Variants in OSBPL8 observed in about 807,000 individuals in gnomAD.
OSBPL8 encodes oxysterol binding protein like 8.
OSBPL8 carries 59 observed loss-of-function variants against 125.5 expected under a neutral mutation model. The ratio of observed to expected loss-of-function variants is 0.47; its 90% CI spans 0.38 to 0.58. OSBPL8 has a LOEUF of 0.58. OSBPL8 is among the 20% of genes least tolerant of loss of function. OSBPL8 has a pLI of 0.00. For missense variants in OSBPL8, 758 were observed against 1,047.8 expected, an observed-to-expected ratio of 0.72 and a Z score of 3.82; for synonymous variants, 330 against 338.9, an observed-to-expected ratio of 0.97 and a Z score of 0.29.
At chr12:76,433,045 T>C (rs1592673432) in intron 4 of OSBPL8, among the ~76,000 whole-genome samples, 1 of 152,090 alleles carries the variant, frequency 6.6e-6, no homozygotes, top group East Asian at 1.9e-4. Context: ...TAACAAAAAC[T>C]CTCAACAAAA....
At chr12:76,538,450 AAAG>A (rs1950556134) in intron 1 of OSBPL8, among the ~76,000 whole-genome samples, 2 of 152,186 alleles carry the variant, frequency 1.3e-5, no homozygotes, top group African/African-American at 4.8e-5. Flanking sequence ...TTTTTTGTTG[AAAG>A]AAGATTTTAG....
Position 76,450,870 on chromosome 12 carries a change from T to C in OSBPL8, c.198A>G (p.Pro66=). The C allele has an allele frequency of 1.9e-6, 3 of 1,612,180 alleles. No homozygotes were observed. Among genetic ancestry groups the C allele is most frequent in the Non-Finnish European group, 2.5e-6 (3 of 1,179,088 alleles). Residue 66 remains proline (P), a synonymous_variant, in exon 4 of 24, where the codon CCA becomes CCG. Transcript: ENST00000261183. ...TKDLHQPSLS[P]ASPHSQGFER... is the part of the protein sequence containing the mutation. ...TCCTACCCTGGCTATGAGGACTTGC[T>C]GGACTAAGAGATGGCTGATGCAAAT... is the stretch of plus-strand genomic sequence containing the variant.
chr12:76,461,002 T>C (rs1874651664), intron 2 of OSBPL8, among the ~76,000 whole-genome samples: 1 of 152,200 alleles, frequency 6.6e-6, no homozygotes, highest in Non-Finnish European at 1.5e-5. Flanking sequence ...ATACTTGAAA[T>C]GATCTTCTAA....
intron 16 of OSBPL8, among the ~76,000 whole-genome samples, chr12:76,377,134 C>A (rs1182839021): frequency 6.6e-6 from 1 of 152,162 alleles, no homozygotes; most frequent in Non-Finnish European, 1.5e-5. Context: ...CATAGTGTTC[C>A]ATGGTGTGTA....
At chr12:76,432,366 G>A (rs1167592681) in intron 4 of OSBPL8, among the ~76,000 whole-genome samples, 1 of 152,072 alleles carries the variant, frequency 6.6e-6, no homozygotes, top group Non-Finnish European at 1.5e-5. Flanking sequence ...AATTGCTTGA[G>A]CTCAGGAGTT....
chr12:76,478,129 G>C (rs1269581778), intron 2 of OSBPL8, among the ~76,000 whole-genome samples: 1 of 151,956 alleles, frequency 6.6e-6, no homozygotes, highest in Non-Finnish European at 1.5e-5. Flanking sequence ...TTGAACCTGG[G>C]AGGCAGAGGC....
chr12:76,510,823 G>A (rs1592819908), intron 1 of OSBPL8, among the ~76,000 whole-genome samples: 1 of 151,736 alleles, frequency 6.6e-6, no homozygotes, highest in East Asian at 1.9e-4. Flanking sequence ...GGAGGTTGTG[G>A]TGAGCCGAGA....
chr12:76,511,123 T>C (rs867689349), intron 1 of OSBPL8, among the ~76,000 whole-genome samples: 4 of 152,060 alleles, frequency 2.6e-5, no homozygotes, highest in Middle Eastern at 6.8e-3. Flanking sequence ...GGTGGTAGAG[T>C]GAGAGTCAAA....
chr12:76,425,012 A>C (rs1191827724), intron 4 of OSBPL8, among the ~76,000 whole-genome samples: 1 of 152,194 alleles, frequency 6.6e-6, no homozygotes, highest in Non-Finnish European at 1.5e-5. Flanking sequence ...CCTTATTTAC[A>C]CCAAATAACC....
rs1446772242 is a variant in OSBPL8, at chr12:76,354,066, AT to A, written c.*1822del. The A allele has an allele frequency of 1.2e-4, 19 of 152,530 alleles. No homozygotes were observed. Among genetic ancestry groups the A allele is most frequent in the African/African-American group, 3.8e-4 (16 of 41,574 alleles). 9.4% of individuals were successfully genotyped at this position (152,530 alleles called of 1,614,324 possible). ...TGTATGTAATTAACTAATTTAAACC[AT>A]AAAAAAGATCAAATTGTACAATATT... On this transcript the variant is annotated 3_prime_UTR_variant, in exon 24 of 24. Coordinates refer to ENST00000261183, the MANE Select transcript of OSBPL8 (RefSeq NM_020841.5).
chr12:76,472,612 G>A (rs990573960), intron 2 of OSBPL8, among the ~76,000 whole-genome samples: 8 of 152,198 alleles, frequency 5.3e-5, no homozygotes, highest in Non-Finnish European at 7.3e-5. Context: ...GTAAGGTCAC[G>A]TGGGTCACGT....
At chr12:76,363,330 G>C (rs1471922116) in intron 21 of OSBPL8, among the ~76,000 whole-genome samples, 1 of 152,078 alleles carries the variant, frequency 6.6e-6, no homozygotes, top group Non-Finnish European at 1.5e-5. Flanking sequence ...CGATGGAACA[G>C]AACAGAGGCC....
chr12:76,445,305 C>A (rs887880299), intron 4 of OSBPL8, among the ~76,000 whole-genome samples: 2 of 152,094 alleles, frequency 1.3e-5, no homozygotes, highest in Admixed American at 1.3e-4. Flanking sequence ...AGAAAGTATC[C>A]TTTGCAACTT....
chr12:76,498,155 A>G (rs1270355300), intron 1 of OSBPL8, among the ~76,000 whole-genome samples: 1 of 152,208 alleles, frequency 6.6e-6, no homozygotes, highest in Non-Finnish European at 1.5e-5. Context: ...CTGTAACCCT[A>G]GCACTTTGGG....
chr12:76,386,816 G>A (rs1384488367), intron 12 of OSBPL8, among the ~76,000 whole-genome samples, 156 bp from the exon 13 acceptor site: 4 of 152,062 alleles, frequency 2.6e-5, no homozygotes, highest in Non-Finnish European at 5.9e-5. Context: ...TTTCAACCAT[G>A]TAAATCAATT....
At chr12:76,543,732 A>G (rs1429175848) in intron 1 of OSBPL8, among the ~76,000 whole-genome samples, 1 of 152,332 alleles carries the variant, frequency 6.6e-6, no homozygotes, top group Non-Finnish European at 1.5e-5. Flanking sequence ...CACAAACTAC[A>G]TAACTATTAA....
intron 5 of OSBPL8, among the ~76,000 whole-genome samples, chr12:76,406,476 T>C (rs1430106333): frequency 6.6e-6 from 1 of 152,232 alleles, no homozygotes; most frequent in Non-Finnish European, 1.5e-5. Flanking sequence ...ACATTAGTTA[T>C]GTTGTAATTC....
At chr12:76,468,472 A>G (rs1875729516) in intron 2 of OSBPL8, among the ~76,000 whole-genome samples, 1 of 152,106 alleles carries the variant, frequency 6.6e-6, no homozygotes. Flanking sequence ...AAATTTTTAT[A>G]TGTATTTTCT....
chr12:76,429,225 T>C (rs992444190), intron 4 of OSBPL8, among the ~76,000 whole-genome samples: 2 of 136,574 alleles, frequency 1.5e-5, no homozygotes, highest in Admixed American at 7.2e-5. Flanking sequence ...TGTACATATA[T>C]TCATTGCAAG....
Sources: gnomAD v4.1 joint callset for allele counts (sites outside exome capture counted in the v4.1 genomes callset) on GRCh38, gnomAD v4.1.1 for gene constraint, MANE v1.5 for transcripts, NCBI Gene and HGNC (gene_info 2026-07-23, HGNC 2026-07-21) for gene names.